SPATS2L: variants seen among roughly 807,000 people sequenced by gnomAD.
SPATS2L encodes spermatogenesis associated serine rich 2 like, also known as SPATS2-like protein.
Under a neutral mutation model 59.6 loss-of-function variants are expected in SPATS2L, and 30 were observed. That is an observed-to-expected ratio of 0.50 (90% CI 0.38 to 0.68). The LOEUF is 0.68. Among genes scored for constraint, SPATS2L ranks in the 30% least tolerant of loss-of-function variants. The pLI, the probability that SPATS2L is intolerant of heterozygous loss-of-function variation, is 0.00. For missense variants in SPATS2L, 615 were observed against 700.0 expected, an observed-to-expected ratio of 0.88 and a Z score of 1.37; for synonymous variants, 252 against 263.5, an observed-to-expected ratio of 0.96 and a Z score of 0.42.
intron 2 of SPATS2L, among the ~76,000 whole-genome samples, chr2:200,346,261 T>A (rs2080508327): frequency 6.6e-6 from 1 of 152,222 alleles, no homozygotes; most frequent in South Asian, 2.1e-4. Flanking sequence ...TATAGCTCCA[T>A]GAGCTAGGAA....
intron 2 of SPATS2L, among the ~76,000 whole-genome samples, chr2:200,355,838 C>T (rs1334783396): frequency 1.3e-5 from 2 of 152,208 alleles, no homozygotes; most frequent in African/African-American, 4.8e-5. Flanking sequence ...AAGATCCTTA[C>T]ACCTGGAAGG....
intron 8 of SPATS2L, among the ~76,000 whole-genome samples, chr2:200,451,088 G>A (rs2085404985): frequency 6.6e-6 from 1 of 152,190 alleles, no homozygotes; most frequent in Non-Finnish European, 1.5e-5. Flanking sequence ...GGAGGCCAAG[G>A]TAGGAGGATT....
chr2:200,369,603 A>G (rs71424256), intron 2 of SPATS2L, among the ~76,000 whole-genome samples: 203 of 152,274 alleles, frequency 1.3e-3, no homozygotes, highest in Non-Finnish European at 2.6e-3. Flanking sequence ...ATAATACTTA[A>G]TAAGTATTAA....
Position 200,445,082 on chromosome 2 carries a change from C to T in SPATS2L, c.788+4298C>T, listed in dbSNP as rs191738900. 7.2e-5 allele frequency among the ~76,000 whole-genome samples: 11 copies of T among 152,112 alleles called. No homozygotes were observed. The East Asian group carries it at 1.9e-3, about 27-fold the overall frequency. On this transcript the variant is annotated intron_variant, in intron 8 of 12. Transcript: ENST00000409140. ...AGGTGGAACACACCTGTAATCCTAGCACTTTGGGAGGCTGAGGCAGGAGTT... is the reference window on the plus strand; with the variant it reads ...AGGTGGAACACACCTGTAATCCTAGTACTTTGGGAGGCTGAGGCAGGAGTT...
At chr2:200,418,539 A>C (rs977712400) in intron 5 of SPATS2L, among the ~76,000 whole-genome samples, 1 of 151,974 alleles carries the variant, frequency 6.6e-6, no homozygotes, top group African/African-American at 2.4e-5. Flanking sequence ...ACACAACTGC[A>C]TTCCAGCCTG....
At chr2:200,338,783 T>A (rs1481790601) in intron 2 of SPATS2L, among the ~76,000 whole-genome samples, 1 of 152,246 alleles carries the variant, frequency 6.6e-6, no homozygotes, top group Non-Finnish European at 1.5e-5. Flanking sequence ...TCCACTTCAC[T>A]TCCCTTCTTC....
At chr2:200,338,463 A>C (rs2080214528) in intron 2 of SPATS2L, among the ~76,000 whole-genome samples, 1 of 152,202 alleles carries the variant, frequency 6.6e-6, no homozygotes, top group Non-Finnish European at 1.5e-5. Flanking sequence ...TAGTTCAGCA[A>C]GTGATGAGAG....
chr2:200,413,828 A>G (rs1440143974), intron 4 of SPATS2L, among the ~76,000 whole-genome samples: 1 of 152,246 alleles, frequency 6.6e-6, no homozygotes, highest in Non-Finnish European at 1.5e-5. Context: ...CCTATAAGCA[A>G]ATCCATGGTG....
At chr2:200,431,022 T>C (rs867514505) in intron 6 of SPATS2L, among the ~76,000 whole-genome samples, 3 of 152,146 alleles carry the variant, frequency 2.0e-5, no homozygotes, top group Admixed American at 6.5e-5. Context: ...CCGGCCTCCA[T>C]TGTTTGGTTT....
At chr2:200,433,261 GA>G (rs2084058987) in intron 6 of SPATS2L, among the ~76,000 whole-genome samples, 1 of 99,644 alleles carries the variant, frequency 1.0e-5, no homozygotes, top group Non-Finnish European at 2.2e-5. Flanking sequence ...CTTAGTAACT[GA>G]TAGAACATAT....
At chr2:200,315,231 A>G (rs2079329006) in intron 1 of SPATS2L, among the ~76,000 whole-genome samples, 1 of 152,244 alleles carries the variant, frequency 6.6e-6, no homozygotes, top group Non-Finnish European at 1.5e-5. Flanking sequence ...ATGTTTGGAT[A>G]AGATTCAGAA....
chr2:200,326,679 A>G (rs1481350435), intron 1 of SPATS2L, among the ~76,000 whole-genome samples: 1 of 152,170 alleles, frequency 6.6e-6, no homozygotes, highest in Non-Finnish European at 1.5e-5. Flanking sequence ...TAGTAAAGAC[A>G]GTATATCTGC....
chr2:200,441,375 AG>A (rs1158357654), intron 8 of SPATS2L, among the ~76,000 whole-genome samples: 6 of 152,208 alleles, frequency 3.9e-5, no homozygotes, highest in African/African-American at 1.4e-4. Flanking sequence ...CTGTTAATAA[AG>A]GTTTAGTTAT....
intron 2 of SPATS2L, among the ~76,000 whole-genome samples, chr2:200,331,567 C>T (rs1051723610): frequency 1.3e-5 from 2 of 152,044 alleles, no homozygotes; most frequent in Non-Finnish European, 2.9e-5. Context: ...GGAATATAGA[C>T]CGAGGCTCCA....
At chr2:200,312,218 C>T (rs2079214515) in intron 1 of SPATS2L, among the ~76,000 whole-genome samples, 1 of 152,112 alleles carries the variant, frequency 6.6e-6, no homozygotes, top group African/African-American at 2.4e-5. Context: ...TCAGAAAGGC[C>T]TCCTGCATTA....
chr2:200,425,416 G>C (rs2083511041), intron 6 of SPATS2L, among the ~76,000 whole-genome samples: 1 of 152,076 alleles, frequency 6.6e-6, no homozygotes, highest in African/African-American at 2.4e-5. Flanking sequence ...GCTCTCAAAT[G>C]GAAGCAATAC....
chr2:200,430,272 G>A (rs1244401756), intron 6 of SPATS2L, among the ~76,000 whole-genome samples: 1 of 152,100 alleles, frequency 6.6e-6, no homozygotes, highest in Non-Finnish European at 1.5e-5. Context: ...ATGGAGAAGT[G>A]TAGGTTAATT....
intron 2 of SPATS2L, among the ~76,000 whole-genome samples, chr2:200,360,936 G>C (rs1193531044): frequency 6.6e-6 from 1 of 151,146 alleles, no homozygotes; most frequent in Non-Finnish European, 1.5e-5. Context: ...TTTCCCAATG[G>C]TAGGATAGAA....
chr2:200,439,133 C>T lies in SPATS2L; in HGVS notation c.457C>T (p.Leu153=), dbSNP rs776253204. The part of the protein sequence containing the change: ...ALRGVTEGNR[L]LQQKLSLDGN... ...GTGTTTTCTTACAGAAGGCAACAGA[C>T]TACTGCAACAGAAACTATCCTTAGA... is the stretch of plus-strand genomic sequence containing the variant. The change falls in exon 7 of 13, where the codon CTA becomes TTA. Residue 153 remains leucine (L), a synonymous_variant. Coordinates refer to ENST00000409140, the MANE Select transcript of SPATS2L (RefSeq NM_001100423.2). 1.2e-5 allele frequency: 19 copies of T among 1,613,232 alleles called. No homozygotes were observed. In the South Asian group the frequency reaches 1.8e-4, roughly 15 times the overall value.
Sources: allele counts gnomAD v4.1 joint callset (sites outside exome capture counted in the v4.1 genomes callset), GRCh38; gene constraint gnomAD v4.1.1; transcripts MANE v1.5; gene names NCBI Gene and HGNC (gene_info 2026-07-23, HGNC 2026-07-21).